The following RGSL1 variants were observed in gnomAD, a reference collection of about 807,000 sequenced individuals.
RGSL1 encodes regulator of G protein signaling like 1.
Under a neutral mutation model 124.7 loss-of-function variants are expected in RGSL1, and 97 were observed. The observed-to-expected ratio is 0.78, with a 90% confidence interval of 0.66 to 0.92. The LOEUF is 0.92. RGSL1 is among the 40% of genes least tolerant of loss of function. The pLI is 0.00. For synonymous variants in RGSL1, 424 were observed against 438.1 expected, an observed-to-expected ratio of 0.97 and a Z score of 0.40; for missense variants, 1,233 against 1,288.4, an observed-to-expected ratio of 0.96 and a Z score of 0.66.
At chr1:182,452,482 T>TCA (rs1025365498) in intron 1 of RGSL1, among the ~76,000 whole-genome samples, 1 of 151,150 alleles carries the variant, frequency 6.6e-6, no homozygotes, top group African/African-American at 2.4e-5. Context: ...AGACAGAGTC[T>TCA]CACTCTGTCA....
At chr1:182,482,411 A>T (rs1247397408) in intron 6 of RGSL1, among the ~76,000 whole-genome samples, 9 of 105,604 alleles carry the variant, frequency 8.5e-5, no homozygotes, top group Non-Finnish European at 2.1e-4. Flanking sequence ...AATAAAAAAT[A>T]AAAAAAAGCA....
At chr1:182,483,327 T>C (rs1654852193) in intron 6 of RGSL1, among the ~76,000 whole-genome samples, 1 of 152,160 alleles carries the variant, frequency 6.6e-6, no homozygotes, top group South Asian at 2.1e-4. Context: ...GTTTGTGGTA[T>C]TGATTGTGAT....
At chr1:182,553,899 C>T (rs532627153) in intron 19 of RGSL1, among the ~76,000 whole-genome samples, 2 of 152,168 alleles carry the variant, frequency 1.3e-5, no homozygotes, top group Non-Finnish European at 2.9e-5. Context: ...CTAATTGTTA[C>T]TTCCCCCTCA....
chr1:182,548,171 G>A, intron 15 of RGSL1, 146 bp from the exon 16 acceptor site: 1 of 787,776 alleles, frequency 1.3e-6, no homozygotes, highest in Non-Finnish European at 2.1e-6. Flanking sequence ...GCCAATGGAT[G>A]AATTATGACT....
Position 182,489,104 on chromosome 1 carries a change from A to G in RGSL1, c.1619A>G (p.Lys540Arg). 4.5e-6 allele frequency: 7 copies of G among 1,551,706 alleles called. No homozygotes were observed. Among genetic ancestry groups the G allele is most frequent in the Non-Finnish European group, 6.1e-6 (7 of 1,147,004 alleles). ...LELSQALADM[K>R]EMDYRQWRKI... Reference sequence around the variant, plus strand: ...TTAAGCCAGGCTTTGGCTGACATGAAGGAAATGGACTATAGGCAGTGGCGA... The same window carrying G: ...TTAAGCCAGGCTTTGGCTGACATGAGGGAAATGGACTATAGGCAGTGGCGA... The change falls in exon 8 of 22, where the codon AAG (lysine) becomes AGG (arginine). Residue 540 changes from lysine to arginine, a missense_variant. Transcript: ENST00000294854.
intron 4 of RGSL1, among the ~76,000 whole-genome samples, chr1:182,467,767 A>G (rs937663944): frequency 6.6e-6 from 1 of 152,146 alleles, no homozygotes; most frequent in African/African-American, 2.4e-5. Context: ...ATTGACAAAC[A>G]GGATCTAATT....
intron 9 of RGSL1, among the ~76,000 whole-genome samples, chr1:182,511,933 T>A (rs1447000445): frequency 6.6e-6 from 1 of 152,182 alleles, no homozygotes; most frequent in Non-Finnish European, 1.5e-5. Flanking sequence ...TTTTGTAATT[T>A]TTCTTGTATA....
chr1:182,497,573 A>G (rs1196606624), intron 9 of RGSL1, among the ~76,000 whole-genome samples: 2 of 152,054 alleles, frequency 1.3e-5, no homozygotes, highest in Non-Finnish European at 2.9e-5. Flanking sequence ...CTTTCAACAA[A>G]CAAGGACATT....
At position 182,555,138 on chromosome 1, in the gene RGSL1, C is replaced by T. The variant is rs140003835; in HGVS notation, c.3197+445C>T. On this transcript the variant is annotated intron_variant, in intron 20 of 21. Coordinates refer to ENST00000294854, the MANE Select transcript of RGSL1 (RefSeq NM_001137669.2). Reference sequence around the variant, plus strand: ...ATTTCTCACCCTTACCCACCTCCCACTCTCGCACTCTTCCAAGTCTCCAGT... The same window carrying T: ...ATTTCTCACCCTTACCCACCTCCCATTCTCGCACTCTTCCAAGTCTCCAGT... 1,017 of 161,912 alleles carry T rather than the reference C, an allele frequency of 6.3e-3. 12 individuals are homozygous for T. Among genetic ancestry groups the T allele is most frequent in the African/African-American group, 0.023 (950 of 41,752 alleles). 10.0% of individuals were successfully genotyped at this position (161,912 alleles called of 1,614,324 possible).
chr1:182,456,556 C>T (rs1652341664), intron 2 of RGSL1, among the ~76,000 whole-genome samples: 1 of 152,192 alleles, frequency 6.6e-6, no homozygotes, highest in Admixed American at 6.5e-5. Flanking sequence ...CCTCGGCCTC[C>T]CAAAGTGCTG....
chr1:182,556,406 C>T (rs1023147614), intron 21 of RGSL1, among the ~76,000 whole-genome samples, 184 bp downstream of exon 21: 3 of 152,196 alleles, frequency 2.0e-5, no homozygotes, highest in Admixed American at 2.0e-4. Flanking sequence ...GAGCAAGGTG[C>T]TATAATTATC....
At chr1:182,449,143 T>C (rs973956569), upstream of RGSL1, 2 of 152,226 alleles carry the variant, frequency 1.3e-5, no homozygotes, top group Admixed American at 1.3e-4. Context: ...AATAAGGTAA[T>C]TGATAACAGA....
intron 9 of RGSL1, among the ~76,000 whole-genome samples, chr1:182,506,240 A>G (rs1475018792): frequency 1.3e-5 from 2 of 152,202 alleles, no homozygotes; most frequent in Non-Finnish European, 2.9e-5. Flanking sequence ...TTAAATGTCT[A>G]TAAGACATGT....
intron 12 of RGSL1, 102 bp from the exon 13 acceptor site, chr1:182,530,688 C>T (rs1659108740): frequency 1.5e-6 from 2 of 1,296,712 alleles, no homozygotes; most frequent in Non-Finnish European, 2.1e-6. Flanking sequence ...CCCCAATTAC[C>T]ACTGAGAGTT....
intron 9 of RGSL1, among the ~76,000 whole-genome samples, chr1:182,504,281 C>T (rs1656637926): frequency 6.6e-6 from 1 of 151,992 alleles, no homozygotes; most frequent in South Asian, 2.1e-4. Flanking sequence ...CATGCCCGGC[C>T]AGTTTCTCTT....
chr1:182,559,059 T>C (rs1238054156), intron 21 of RGSL1, among the ~76,000 whole-genome samples: 3 of 152,192 alleles, frequency 2.0e-5, no homozygotes, highest in African/African-American at 7.2e-5. Flanking sequence ...TTTTTTTCTT[T>C]CTCTTGTCAT....
intron 10 of RGSL1, among the ~76,000 whole-genome samples, chr1:182,526,077 A>G (rs1251335100): frequency 6.6e-6 from 1 of 152,218 alleles, no homozygotes; most frequent in African/African-American, 2.4e-5. Flanking sequence ...AATAAGAAAA[A>G]AATTGAATTA....
At chr1:182,553,667 C>A in intron 19 of RGSL1, 126 bp downstream of exon 19, 1 of 755,342 alleles carries the variant, frequency 1.3e-6, no homozygotes, top group Non-Finnish European at 2.2e-6. Context: ...AAGTAACTTG[C>A]TGAAGATCAC....
At chr1:182,491,044 C>T (rs932996999) in intron 8 of RGSL1, among the ~76,000 whole-genome samples, 3 of 150,820 alleles carry the variant, frequency 2.0e-5, no homozygotes, top group Non-Finnish European at 4.4e-5. Flanking sequence ...GCATGCACCA[C>T]CACACCCAGC....
Sources: gnomAD v4.1 joint callset for allele counts (sites outside exome capture counted in the v4.1 genomes callset) on GRCh38, gnomAD v4.1.1 for gene constraint, MANE v1.5 for transcripts, NCBI Gene and HGNC (gene_info 2026-07-23, HGNC 2026-07-21) for gene names.